Variants in ZC3H3 observed in about 807,000 individuals in gnomAD.
ZC3H3 encodes the protein zinc finger CCCH-type containing 3, also known as zinc finger CCCH domain-containing protein 3.
ZC3H3 carries 36 observed loss-of-function variants against 77.3 expected under a neutral mutation model. The observed-to-expected ratio is 0.47, with a 90% CI of 0.36 to 0.61. The LOEUF (loss-of-function observed/expected upper bound fraction) is 0.61. ZC3H3 is among the 20% of genes least tolerant of loss of function. ZC3H3 has a pLI of 0.00. For synonymous variants in ZC3H3, 626 were observed against 555.2 expected (o/e 1.13, Z -1.79); for missense variants, 1,331 against 1,312.2 (o/e 1.01, Z -0.22).
chr8:143,464,085 G>T (rs768709091), intron 9 of ZC3H3, among the ~76,000 whole-genome samples: 3 of 152,256 alleles, frequency 2.0e-5, no homozygotes, highest in Non-Finnish European at 2.9e-5. Flanking sequence ...ATTATTTAGA[G>T]AATAAAATTA....
Position 143,494,010 on chromosome 8 carries a change from A to T in ZC3H3, c.1715+13736T>A, listed in dbSNP as rs961959691. Among the ~76,000 whole-genome samples the T allele has an allele frequency of 1.3e-5, 2 of 152,198 alleles. No homozygotes were observed. The highest frequency in any genetic ancestry group is 4.8e-5 in the African/African-American group (2 of 41,446). On this transcript the variant is annotated intron_variant, in intron 4 of 11. Transcript: ENST00000262577. The surrounding 1 kb of genome is among the most constrained non-coding windows in gnomAD (Gnocchi z 5.3). ...CTTTTACAGCACTTGGGGAGCCGTAACCGCCTGTTCCCATAAAATAAAACT... is the reference window on the plus strand; with the variant it reads ...CTTTTACAGCACTTGGGGAGCCGTATCCGCCTGTTCCCATAAAATAAAACT...
chr8:143,488,402 C>T (rs1160793730), intron 4 of ZC3H3, among the ~76,000 whole-genome samples: 2 of 120,326 alleles, frequency 1.7e-5, no homozygotes, highest in Admixed American at 8.1e-5. Flanking sequence ...GAACAGCACC[C>T]GCTACACGGC....
At chr8:143,471,641 A>C (rs1224549879) in intron 5 of ZC3H3, among the ~76,000 whole-genome samples, 13 of 152,220 alleles carry the variant, frequency 8.5e-5, no homozygotes, top group Admixed American at 8.5e-4. Flanking sequence ...TTCAGGTGGC[A>C]GGCGGGCCCA....
At chr8:143,499,751 C>A (rs1395432691) in intron 4 of ZC3H3, among the ~76,000 whole-genome samples, 3 of 152,134 alleles carry the variant, frequency 2.0e-5, no homozygotes, top group African/African-American at 7.2e-5. Context: ...CCCTGGGGAC[C>A]GGGCCAAGCT....
At chr8:143,500,450 C>T (rs548134632) in intron 4 of ZC3H3, among the ~76,000 whole-genome samples, 1 of 152,250 alleles carries the variant, frequency 6.6e-6, no homozygotes, top group African/African-American at 2.4e-5. Context: ...TGCACACTGC[C>T]AGGATGAGGC....
chr8:143,519,129 A>G (rs1563152), intron 3 of ZC3H3, among the ~76,000 whole-genome samples: 81,656 of 152,076 alleles, frequency 0.54, 22,167 homozygotes, highest in East Asian at 0.67. Context: ...GGAGGGGAGG[A>G]GAGGGGTAGC....
At chr8:143,511,217 C>T (rs536376502) in intron 3 of ZC3H3, among the ~76,000 whole-genome samples, 5 of 152,236 alleles carry the variant, frequency 3.3e-5, no homozygotes, top group African/African-American at 4.8e-5. Context: ...ATCAGGAGGG[C>T]GGCCGCTGAG....
intron 5 of ZC3H3, among the ~76,000 whole-genome samples, chr8:143,469,298 T>C (rs2129880531): frequency 6.6e-6 from 1 of 152,284 alleles, no homozygotes; most frequent in South Asian, 2.1e-4. Flanking sequence ...GGTCTGGCCT[T>C]TTGGGAGCAA....
At chr8:143,497,900 C>T (rs1465024291) in intron 4 of ZC3H3, among the ~76,000 whole-genome samples, 2 of 152,226 alleles carry the variant, frequency 1.3e-5, no homozygotes, top group Non-Finnish European at 2.9e-5. Context: ...GGTGCTGTGC[C>T]AGCTGCTTCC....
At chr8:143,468,565 G>A (rs753674324) in intron 6 of ZC3H3, 25 bp from the exon 7 acceptor site, 6 of 1,601,048 alleles carry the variant, frequency 3.7e-6, no homozygotes, top group Non-Finnish European at 5.1e-6. Flanking sequence ...AGAGGTGCGT[G>A]AGCCTGAGGG....
intron 4 of ZC3H3, among the ~76,000 whole-genome samples, chr8:143,492,728 G>T (rs1821243214): frequency 6.7e-6 from 1 of 149,320 alleles, no homozygotes; most frequent in Admixed American, 6.7e-5. Context: ...TGGCCCAGGG[G>T]CTCCCTCCTC....
intron 3 of ZC3H3, among the ~76,000 whole-genome samples, chr8:143,526,153 G>A (rs1330400668): frequency 1.3e-5 from 2 of 152,250 alleles, no homozygotes; most frequent in African/African-American, 4.8e-5. Context: ...GGGTCCAGTG[G>A]GAGAACCCTG....
In ZC3H3 at chr8:143,537,991, C is replaced by T. The variant is rs372096692; in HGVS notation, c.1364+12G>A. 5.5e-5 allele frequency: 87 copies of T among 1,586,368 alleles called. No individual in the cohort carries two copies. Among genetic ancestry groups the T allele is most frequent in the Middle Eastern group, 1.7e-4 (1 of 5,922 alleles). On this transcript the variant is annotated intron_variant, in intron 2 of 11. Transcript: ENST00000262577. ...CCCCTCACACTCTACCGCAGCCGGC[C>T]GGGATGCCCACCTTGTGCTGCTGCG...
intron 4 of ZC3H3, among the ~76,000 whole-genome samples, chr8:143,481,844 C>T (rs1820916740): frequency 2.0e-5 from 3 of 152,266 alleles, no homozygotes; most frequent in Admixed American, 1.3e-4. Flanking sequence ...ACTCGGACCC[C>T]CTGCCCAGGG....
intron 3 of ZC3H3, among the ~76,000 whole-genome samples, chr8:143,529,847 C>T (rs1194587066): frequency 4.6e-5 from 7 of 152,198 alleles, no homozygotes; most frequent in East Asian, 3.9e-4. Context: ...CAGAGAAACT[C>T]GGACTCGGGG....
At chr8:143,446,528 A>C (rs935856140) in intron 9 of ZC3H3, among the ~76,000 whole-genome samples, 10 of 152,236 alleles carry the variant, frequency 6.6e-5, no homozygotes, top group Non-Finnish European at 1.5e-5. Flanking sequence ...AGATTCCAAA[A>C]ATCACCAAAA....
At chr8:143,536,119 C>T in intron 3 of ZC3H3, 138 bp downstream of exon 3, 2 of 1,079,326 alleles carry the variant, frequency 1.9e-6, no homozygotes, top group Non-Finnish European at 2.6e-6. Context: ...CCCACCACCA[C>T]CGTCTGCCAG....
intron 9 of ZC3H3, among the ~76,000 whole-genome samples, chr8:143,451,821 G>A (rs1819995611): frequency 1.3e-5 from 2 of 151,632 alleles, no homozygotes; most frequent in Non-Finnish European, 2.9e-5. Flanking sequence ...AAAGAAAAAA[G>A]GAGGAGCTTG....
intron 4 of ZC3H3, among the ~76,000 whole-genome samples, chr8:143,492,590 C>G (rs933218570): frequency 2.6e-5 from 4 of 152,332 alleles, no homozygotes; most frequent in African/African-American, 9.6e-5. Flanking sequence ...GCCGGAGGGG[C>G]CCGGGGAGGG....
Sources: allele counts gnomAD v4.1 joint callset (sites outside exome capture counted in the v4.1 genomes callset), GRCh38; gene constraint gnomAD v4.1.1; non-coding constraint Gnocchi (gnomAD v3.1); transcripts MANE v1.5; gene names NCBI Gene and HGNC (gene_info 2026-07-23, HGNC 2026-07-21).